The following PCDH9 variants were observed in gnomAD, a reference collection of about 807,000 sequenced individuals.
The protein encoded by PCDH9 is protocadherin 9.
PCDH9 carries 24 observed loss-of-function variants against 70.6 expected under a neutral mutation model. The observed-to-expected ratio is 0.34, with a 90% confidence interval of 0.25 to 0.48. The LOEUF is 0.48. Ranked by LOEUF, PCDH9 falls within the 20% of genes least tolerant of loss-of-function variation. The pLI, the probability that PCDH9 is intolerant of heterozygous loss-of-function variation, is 0.99. For missense variants in PCDH9, 1,281 were observed against 1,503.6 expected (o/e 0.85, Z 2.45); for synonymous variants, 562 against 558.5 (o/e 1.01, Z -0.09).
chr13:67,017,738 A>T (rs879666385), intron 2 of PCDH9, among the ~76,000 whole-genome samples: 3 of 152,216 alleles, frequency 2.0e-5, no homozygotes, highest in Admixed American at 1.3e-4. Flanking sequence ...CCAGGAATTT[A>T]AAAAAATCAT....
At chr13:66,768,396 T>C (rs2079753692) in intron 3 of PCDH9, among the ~76,000 whole-genome samples, 1 of 152,116 alleles carries the variant, frequency 6.6e-6, no homozygotes, top group Non-Finnish European at 1.5e-5. Context: ...CCTGATTTCC[T>C]AAACTACTAT....
chr13:66,641,239 A>G (rs1053668222), intron 3 of PCDH9, among the ~76,000 whole-genome samples: 5 of 152,154 alleles, frequency 3.3e-5, no homozygotes, highest in Non-Finnish European at 7.3e-5. Flanking sequence ...CAGCAAAAAA[A>G]GAAAAATGTC....
chr13:66,852,522 T>A (rs1209495719), intron 3 of PCDH9, among the ~76,000 whole-genome samples: 1 of 152,194 alleles, frequency 6.6e-6, no homozygotes, highest in Non-Finnish European at 1.5e-5. Flanking sequence ...CTCATTTTCC[T>A]CTTGAGAACT....
chr13:66,579,879 A>G (rs2076866352), intron 4 of PCDH9, among the ~76,000 whole-genome samples: 2 of 151,142 alleles, frequency 1.3e-5, no homozygotes, highest in African/African-American at 4.9e-5. Flanking sequence ...GTAATCTTCA[A>G]AGACCCCTCA....
At chr13:66,964,342 A>G (rs1055468450) in intron 2 of PCDH9, among the ~76,000 whole-genome samples, 2 of 151,842 alleles carry the variant, frequency 1.3e-5, no homozygotes, top group Non-Finnish European at 2.9e-5. Context: ...ATCTAATGGT[A>G]TTAGTAAACA....
intron 4 of PCDH9, among the ~76,000 whole-genome samples, chr13:66,562,151 C>T (rs2076582679): frequency 6.6e-6 from 1 of 152,016 alleles, no homozygotes; most frequent in Admixed American, 6.6e-5. Flanking sequence ...GAGCAAGAAC[C>T]CACCAATTCC....
intron 3 of PCDH9, among the ~76,000 whole-genome samples, chr13:66,662,405 A>G (rs2078023616): frequency 6.6e-6 from 1 of 152,050 alleles, no homozygotes; most frequent in Non-Finnish European, 1.5e-5. Flanking sequence ...CTTGGGAGGC[A>G]GAGGTTTCCG....
chr13:66,359,217 T>C (rs190943865), intron 4 of PCDH9, among the ~76,000 whole-genome samples: 5 of 152,066 alleles, frequency 3.3e-5, no homozygotes, highest in South Asian at 2.1e-4. Context: ...ACATTCCTTA[T>C]TGTATTATTT....
At chr13:67,149,859 A>C (rs982913866) in intron 2 of PCDH9, among the ~76,000 whole-genome samples, 1 of 152,108 alleles carries the variant, frequency 6.6e-6, no homozygotes, top group South Asian at 2.1e-4. Context: ...TGAACACCCC[A>C]TATGGTATTT....
At chr13:66,977,437 T>C (rs1193669676) in intron 2 of PCDH9, 2 of 152,142 alleles carry the variant, frequency 1.3e-5, no homozygotes, top group Admixed American at 1.3e-4. Flanking sequence ...AAAGTTTTGA[T>C]GCTGGTATCC....
At chr13:66,973,422 C>G (rs780261446) in intron 2 of PCDH9, among the ~76,000 whole-genome samples, 3 of 151,858 alleles carry the variant, frequency 2.0e-5, no homozygotes, top group Non-Finnish European at 2.9e-5. Flanking sequence ...AAAGAATGCT[C>G]ATGAGACTAG....
At chr13:66,971,874 T>C (rs2083528634) in intron 2 of PCDH9, among the ~76,000 whole-genome samples, 1 of 152,050 alleles carries the variant, frequency 6.6e-6, no homozygotes, top group African/African-American at 2.4e-5. Context: ...GGAATTATTC[T>C]AATTACACTC....
At chr13:66,450,301 A>G (rs1054291712) in intron 4 of PCDH9, among the ~76,000 whole-genome samples, 25 of 152,228 alleles carry the variant, frequency 1.6e-4, no homozygotes, top group Non-Finnish European at 3.4e-4. Flanking sequence ...AATATGCTCT[A>G]AGATTTAAAG....
At chr13:66,834,793 A>C (rs1387879538) in intron 3 of PCDH9, among the ~76,000 whole-genome samples, 2 of 152,230 alleles carry the variant, frequency 1.3e-5, no homozygotes, top group Non-Finnish European at 2.9e-5. Flanking sequence ...TACATCTGTA[A>C]GTGAAGCTTC....
At chr13:66,410,189 T>G (rs1444391) in intron 4 of PCDH9, among the ~76,000 whole-genome samples, 5,883 of 152,060 alleles carry the variant, frequency 0.039, 350 homozygotes, top group African/African-American at 0.13. Flanking sequence ...GAAGTCTTTA[T>G]TCTTCCTTTT....
chr13:66,566,868 G>C (rs77248324), intron 4 of PCDH9, among the ~76,000 whole-genome samples: 17,867 of 152,002 alleles, frequency 0.12, 1,240 homozygotes, highest in Middle Eastern at 0.22. Context: ...GTAAAAGATA[G>C]CATTTTAAAT....
chr13:67,082,847 T>A (rs536615589), intron 2 of PCDH9, among the ~76,000 whole-genome samples: 4 of 152,298 alleles, frequency 2.6e-5, no homozygotes, highest in African/African-American at 9.6e-5. Context: ...TTGTAAAGGA[T>A]AGACCAAATA....
chr13:66,876,920 G>T (rs2081822534), intron 3 of PCDH9: 1 of 151,914 alleles, frequency 6.6e-6, no homozygotes, highest in East Asian at 1.9e-4. Flanking sequence ...CTCACATACG[G>T]TAAGGGTTTT....
At chr13:66,925,437 G>A (rs2082702601) in intron 2 of PCDH9, among the ~76,000 whole-genome samples, 1 of 151,658 alleles carries the variant, frequency 6.6e-6, no homozygotes, top group Non-Finnish European at 1.5e-5. Context: ...TAGTTCTATG[G>A]GGAGAAGCCA....
Sources: allele counts gnomAD v4.1 joint callset (sites outside exome capture counted in the v4.1 genomes callset), GRCh38; gene constraint gnomAD v4.1.1; transcripts MANE v1.5; gene names NCBI Gene and HGNC (gene_info 2026-07-23, HGNC 2026-07-21).